Variants in GBE1 observed in about 807,000 individuals in gnomAD.
GBE1 encodes the protein 1,4-alpha-glucan branching enzyme 1.
GBE1 carries 70 observed loss-of-function variants against 88.8 expected under a neutral mutation model. The observed-to-expected ratio is 0.79, with a 90% CI of 0.65 to 0.96. GBE1 has a LOEUF of 0.96. Ranked by LOEUF, GBE1 falls within the 40% of genes least tolerant of loss-of-function variation. The pLI, the probability that GBE1 is intolerant of heterozygous loss-of-function variation, is 0.00. For missense variants in GBE1, 872 were observed against 871.0 expected (o/e 1.00, Z -0.01); for synonymous variants, 284 against 300.1 (o/e 0.95, Z 0.56).
At chr3:81,717,567 G>A (rs1474643437) in intron 1 of GBE1, among the ~76,000 whole-genome samples, 2 of 152,052 alleles carry the variant, frequency 1.3e-5, no homozygotes, top group Admixed American at 1.3e-4. Flanking sequence ...TCCTCACCAC[G>A]GGAAAAACAA....
chr3:81,694,641 A>T (rs868419272), intron 2 of GBE1, among the ~76,000 whole-genome samples: 49 of 152,192 alleles, frequency 3.2e-4, no homozygotes, highest in African/African-American at 1.1e-3. Flanking sequence ...TCATAGGGCA[A>T]ATAAGGAAAT....
chr3:81,723,604 G>A (rs942484210), intron 1 of GBE1, among the ~76,000 whole-genome samples: 1 of 151,838 alleles, frequency 6.6e-6, no homozygotes. Flanking sequence ...TTTTATTATT[G>A]TTTGCTTCAA....
rs758414417 is a variant in GBE1, at chr3:81,705,426, A to ATG, written c.313+16_313+17dup. The ATG allele has an allele frequency of 1.6e-5, 24 of 1,531,172 alleles. No individual in the cohort carries two copies. The highest frequency in any genetic ancestry group is 2.0e-5 in the Non-Finnish European group (23 of 1,139,542). 94.8% of individuals were successfully genotyped at this position (1,531,172 alleles called of 1,614,324 possible). A position where few individuals can be genotyped will look rare whatever the true frequency, so the allele number is the denominator to read the frequency against. On this transcript the variant is annotated intron_variant, in intron 2 of 15. Transcript: ENST00000429644. The stretch of plus-strand genomic sequence containing the variant: ...TAATAAGATATTACTATTTAGTTCA[A>ATG]TGCTTTCAAGTACTTACTAAAATCT...
chr3:81,637,283 C>T (rs1224576385), intron 7 of GBE1, among the ~76,000 whole-genome samples: 2 of 152,084 alleles, frequency 1.3e-5, no homozygotes, highest in Non-Finnish European at 2.9e-5. Context: ...TAGCATTAGG[C>T]TACTATTGAA....
chr3:81,521,852 C>A (rs561384733), intron 14 of GBE1, among the ~76,000 whole-genome samples: 1 of 151,480 alleles, frequency 6.6e-6, no homozygotes, highest in East Asian at 1.9e-4. Flanking sequence ...TACTAGGATA[C>A]AAAAGAAAAA....
chr3:81,557,037 T>C lies in GBE1; in HGVS notation c.1619-19942A>G, dbSNP rs186926173. ...ATGCCCAGTAAAATAGGTACCATTA[T>C]AATCCCCTTTCTTAAACGATGAAGT... is the stretch of plus-strand genomic sequence containing the variant. On this transcript the variant is annotated intron_variant, in intron 12 of 15. Transcript: ENST00000429644. 1.3e-4 allele frequency among the ~76,000 whole-genome samples: 20 copies of C among 152,240 alleles called. No individual in the cohort carries two copies. In the East Asian group the frequency reaches 3.9e-3, roughly 29 times the overall value.
At chr3:81,529,729 T>G (rs1702989587) in intron 14 of GBE1, among the ~76,000 whole-genome samples, 1 of 152,094 alleles carries the variant, frequency 6.6e-6, no homozygotes, top group South Asian at 2.1e-4. Context: ...CTCTTGCTGC[T>G]TTTAGGATCC....
At chr3:81,717,631 A>G (rs947232211) in intron 1 of GBE1, among the ~76,000 whole-genome samples, 5 of 152,188 alleles carry the variant, frequency 3.3e-5, no homozygotes, top group African/African-American at 1.2e-4. Flanking sequence ...CCCAACTCTA[A>G]GATACTAGCA....
At chr3:81,533,329 A>G (rs893314202) in intron 14 of GBE1, among the ~76,000 whole-genome samples, 2 of 151,654 alleles carry the variant, frequency 1.3e-5, no homozygotes, top group Non-Finnish European at 2.9e-5. Context: ...TTTAGTGTAG[A>G]TAACCCATCA....
chr3:81,524,213 T>G (rs898919750), intron 14 of GBE1, among the ~76,000 whole-genome samples: 1 of 151,900 alleles, frequency 6.6e-6, no homozygotes, highest in African/African-American at 2.4e-5. Context: ...AGATTTCTCA[T>G]TGTAGGTTTG....
Position 81,761,588 on chromosome 3 carries a change from C to A in GBE1, c.-71G>T. On this transcript the variant is annotated 5_prime_UTR_variant, in exon 1 of 16. Transcript: ENST00000429644. ...GCCTGAGCGGGCGCTGGAGCTCTAG[C>A]TGGGACGCGGCGGCTAGGGCGGAGC... 1 of 1,520,330 alleles carries A rather than the reference C, an allele frequency of 6.6e-7. No individual in the cohort carries two copies. The highest frequency in any genetic ancestry group is 8.8e-7 in the Non-Finnish European group (1 of 1,134,536). The allele number at this position is 1,520,330 out of a possible 1,614,324, so 94.2% of individuals were successfully genotyped here.
chr3:81,520,992 AT>A (rs1702866366), intron 14 of GBE1, among the ~76,000 whole-genome samples: 1 of 151,658 alleles, frequency 6.6e-6, no homozygotes, highest in Admixed American at 6.6e-5. Flanking sequence ...TTCCAAACGT[AT>A]TCTCTTATTT....
Position 81,648,878 on chromosome 3 carries a change from T to C in GBE1, c.669A>G (p.Val223=), listed in dbSNP as rs1014444694. The change falls in exon 5 of 16, where the codon GTA becomes GTG. Residue 223 remains valine (V), a synonymous_variant. Transcript: ENST00000429644. ...TACCAAGGCCTTTGATTCTTGGTAG[T>C]ACATTGCATGTAAAATGTTTATAAG... The part of the protein sequence containing the change: ...VASYKHFTCN[V]LPRIKGLGYN... 15 of 1,574,068 alleles carry C rather than the reference T, an allele frequency of 9.5e-6. No homozygotes were observed. In the Admixed American group the frequency reaches 1.3e-4, roughly 13 times the overall value.
At chr3:81,700,328 G>C (rs558631180) in intron 2 of GBE1, among the ~76,000 whole-genome samples, 17 of 152,136 alleles carry the variant, frequency 1.1e-4, no homozygotes, top group African/African-American at 4.1e-4. Context: ...GCTAATTTTC[G>C]TATCAGTGTT....
intron 2 of GBE1, among the ~76,000 whole-genome samples, chr3:81,703,296 C>T (rs942742815): frequency 2.6e-5 from 4 of 151,978 alleles, no homozygotes; most frequent in East Asian, 1.9e-4. Flanking sequence ...CCTCAAAATA[C>T]ATTTAATAAT....
intron 12 of GBE1, 77 bp downstream of exon 12, chr3:81,577,848 A>G (rs1703669160): frequency 8.2e-7 from 1 of 1,213,432 alleles, no homozygotes; most frequent in Non-Finnish European, 1.1e-6. Context: ...AGCCAAATCA[A>G]AATATTCTAC....
chr3:81,560,478 A>G (rs914177899), intron 12 of GBE1, among the ~76,000 whole-genome samples: 6 of 152,006 alleles, frequency 3.9e-5, no homozygotes, highest in Non-Finnish European at 8.8e-5. Context: ...TCAATTTGTT[A>G]TCAATTATAC....
chr3:81,643,616 T>G (rs1439685508), intron 6 of GBE1, among the ~76,000 whole-genome samples: 1 of 152,152 alleles, frequency 6.6e-6, no homozygotes, highest in African/African-American at 2.4e-5. Context: ...TGTGTAAAAT[T>G]TTGACATTAT....
chr3:81,671,592 C>T (rs1705191285), intron 2 of GBE1, among the ~76,000 whole-genome samples: 1 of 152,016 alleles, frequency 6.6e-6, no homozygotes, highest in Admixed American at 6.6e-5. Context: ...ATAAGTGGTG[C>T]TGGAAAAATT....
Sources: allele counts gnomAD v4.1 joint callset (sites outside exome capture counted in the v4.1 genomes callset), GRCh38; gene constraint gnomAD v4.1.1; transcripts MANE v1.5; gene names NCBI Gene and HGNC (gene_info 2026-07-23, HGNC 2026-07-21).